GRIK3: variants seen among roughly 807,000 people sequenced by gnomAD.
GRIK3 encodes the protein glutamate receptor ionotropic, kainate 3.
A neutral mutation model predicts 102.5 loss-of-function variants in GRIK3; 29 were observed. That is an observed-to-expected ratio of 0.28 (90% CI 0.21 to 0.39). The LOEUF (loss-of-function observed/expected upper bound fraction) is 0.39. Among genes scored for constraint, GRIK3 ranks in the 10% least tolerant of loss-of-function variants. GRIK3 has a pLI of 1.00. For missense variants in GRIK3, 908 were observed against 1,252.4 expected (o/e 0.73, Z 4.15); for synonymous variants, 511 against 504.9 (o/e 1.01, Z -0.16).
chr1:36,887,773 TATATATATATATATATAGTG>T (rs1247190324), intron 2 of GRIK3, among the ~76,000 whole-genome samples: 1 of 93,290 alleles, frequency 1.1e-5, no homozygotes, highest in Non-Finnish European at 2.1e-5. Context: ...AAAAAAAAAA[TATATATATATATATATAGTG>T]AGAGAGAGAG....
chr1:36,896,836 C>T lies in GRIK3; in HGVS notation c.116-5740G>A, dbSNP rs115222687. ...AAATGAAAAATTTATTCCTGGAATG[C>T]AAGGATGGTTCAAAACAACTGATCA... On this transcript the variant is annotated intron_variant, in intron 1 of 15. Coordinates refer to ENST00000373091, the MANE Select transcript of GRIK3 (RefSeq NM_000831.4). Among the ~76,000 whole-genome samples the T allele has an allele frequency of 9.5e-3, 1,450 of 152,076 alleles. 21 individuals carry two copies. Among genetic ancestry groups the T allele is most frequent in the African/African-American group, 0.032 (1,316 of 41,486 alleles).
intron 1 of GRIK3, among the ~76,000 whole-genome samples, chr1:36,992,958 C>T (rs1642378801): frequency 6.6e-6 from 1 of 152,138 alleles, no homozygotes. Context: ...CAGTGCTGGA[C>T]ATGGGGACTC....
chr1:36,836,121 C>T (rs1449928751), intron 10 of GRIK3, among the ~76,000 whole-genome samples: 1 of 152,172 alleles, frequency 6.6e-6, no homozygotes, highest in East Asian at 1.9e-4. Flanking sequence ...ATTGTGCTGG[C>T]CCAGCCCAAA....
At chr1:36,816,874 C>T (rs1403188762) in intron 13 of GRIK3, among the ~76,000 whole-genome samples, 186 bp downstream of exon 13, 1 of 152,212 alleles carries the variant, frequency 6.6e-6, no homozygotes, top group Non-Finnish European at 1.5e-5. Context: ...GAGGCCAACC[C>T]AGTTGGCCCA....
At chr1:36,939,314 C>G (rs1286622829) in intron 1 of GRIK3, among the ~76,000 whole-genome samples, 32 of 152,238 alleles carry the variant, frequency 2.1e-4, no homozygotes, top group Admixed American at 2.1e-3. Flanking sequence ...GAGGAAGAAA[C>G]TCTCTCAAAC....
chr1:36,910,913 C>A (rs144116234), intron 1 of GRIK3, among the ~76,000 whole-genome samples: 1 of 152,172 alleles, frequency 6.6e-6, no homozygotes, highest in South Asian at 2.1e-4. Flanking sequence ...TAACTCAAAA[C>A]GCTGTCAAGG....
intron 1 of GRIK3, among the ~76,000 whole-genome samples, chr1:36,897,593 A>G (rs770484024): frequency 6.6e-6 from 1 of 152,216 alleles, no homozygotes; most frequent in Non-Finnish European, 1.5e-5. Flanking sequence ...CTAGTGAGGC[A>G]TCATCTGACC....
intron 1 of GRIK3, among the ~76,000 whole-genome samples, chr1:36,953,451 G>A (rs1260192302): frequency 6.6e-6 from 1 of 152,174 alleles, no homozygotes; most frequent in African/African-American, 2.4e-5. Flanking sequence ...ATGGCTTTAA[G>A]CAGGAGAGTG....
chr1:36,952,887 C>A (rs1244414588), intron 1 of GRIK3, among the ~76,000 whole-genome samples: 3 of 152,130 alleles, frequency 2.0e-5, no homozygotes, highest in Non-Finnish European at 4.4e-5. Context: ...AGGGAACGAG[C>A]TATGTGCCTG....
rs77062745 is a variant in GRIK3 at position 36,982,142 on chromosome 1, T to A, written c.115+51852A>T. Among the ~76,000 whole-genome samples the A allele has an allele frequency of 3.1e-3, 468 of 152,200 alleles. 1 individual carries two copies. Among genetic ancestry groups the A allele is most frequent in the Middle Eastern group, 6.8e-3 (2 of 294 alleles). On this transcript the variant is annotated intron_variant, in intron 1 of 15. Transcript: ENST00000373091. ...AGGTTAGGACATCCCACGCGGCATG[T>A]CTCCAATAAACTCTCAGGAATGTGC... is the stretch of plus-strand genomic sequence containing the variant.
In GRIK3 at chr1:37,010,897, G is replaced by A. The variant is rs576774830; in HGVS notation, c.115+23097C>T. On this transcript the variant is annotated intron_variant, in intron 1 of 15. Transcript: ENST00000373091. The stretch of plus-strand genomic sequence containing the variant: ...GCTGGGACTACAGGCGCCCACCACC[G>A]CGCCCGGCTAATTTTTTGTATTTTT... Among the ~76,000 whole-genome samples, 16 of 151,844 alleles carry A rather than the reference G, an allele frequency of 1.1e-4. 1 individual carries two copies. The South Asian group carries it at 1.9e-3, about 18-fold the overall frequency.
At chr1:36,976,165 G>A (rs535636512) in intron 1 of GRIK3, among the ~76,000 whole-genome samples, 1 of 152,194 alleles carries the variant, frequency 6.6e-6, no homozygotes, top group Non-Finnish European at 1.5e-5. Context: ...AGAGGAAGCT[G>A]GATGTGCGAT....
chr1:36,818,320 C>T (rs1642653560), intron 12 of GRIK3, among the ~76,000 whole-genome samples: 1 of 152,022 alleles, frequency 6.6e-6, no homozygotes, highest in Non-Finnish European at 1.5e-5. Flanking sequence ...AGACGATGGA[C>T]AAAAAAACAA....
intron 13 of GRIK3, 53 bp downstream of exon 13, chr1:36,817,007 G>T (rs921012750): frequency 1.6e-6 from 2 of 1,263,668 alleles, no homozygotes; most frequent in Non-Finnish European, 2.3e-6. Flanking sequence ...GCTCAGTAAA[G>T]GGTCCGGAGA....
chr1:36,978,985 A>G (rs1642221842), intron 1 of GRIK3, among the ~76,000 whole-genome samples: 1 of 152,266 alleles, frequency 6.6e-6, no homozygotes, highest in Non-Finnish European at 1.5e-5. Flanking sequence ...TCAATCTGCT[A>G]TTGGAGAACT....
chr1:36,818,672 C>T (rs1642657638), intron 12 of GRIK3, among the ~76,000 whole-genome samples: 1 of 152,236 alleles, frequency 6.6e-6, no homozygotes, highest in Non-Finnish European at 1.5e-5. Flanking sequence ...CAGAGCCTGG[C>T]ATGTAGTGGG....
Position 36,806,051 on chromosome 1 carries a change from A to G in GRIK3, c.2314+53T>C. The G allele has an allele frequency of 8.1e-7, 1 of 1,234,492 alleles. No homozygotes were observed. Among genetic ancestry groups the G allele is most frequent in the Non-Finnish European group, 1.2e-6 (1 of 849,756 alleles). 76.5% of individuals were successfully genotyped at this position (1,234,492 alleles called of 1,614,324 possible). On this transcript the variant is annotated intron_variant, in intron 14 of 15. Coordinates refer to ENST00000373091, the MANE Select transcript of GRIK3 (RefSeq NM_000831.4). This position sits in a 1 kb window ranked among gnomAD's most constrained non-coding sequence, Gnocchi z 4.0. ...GGAGTGTGAGGGGACGCGGGGGTGG[A>G]GCCCTCCCTCTGCCCACACACCCAC...
At chr1:36,971,954 G>A (rs746155635) in intron 1 of GRIK3, among the ~76,000 whole-genome samples, 2 of 152,130 alleles carry the variant, frequency 1.3e-5, no homozygotes, top group South Asian at 2.1e-4. Flanking sequence ...GTGCTTCTGC[G>A]GCAGAACCAC....
At chr1:37,011,983 T>C (rs950547420) in intron 1 of GRIK3, among the ~76,000 whole-genome samples, 3 of 152,216 alleles carry the variant, frequency 2.0e-5, no homozygotes, top group African/African-American at 7.2e-5. Flanking sequence ...CCCCATGCCT[T>C]GGGCCAGAAT....
Sources: allele counts gnomAD v4.1 joint callset (sites outside exome capture counted in the v4.1 genomes callset), GRCh38; gene constraint gnomAD v4.1.1; non-coding constraint Gnocchi (gnomAD v3.1); transcripts MANE v1.5; gene names NCBI Gene and HGNC (gene_info 2026-07-23, HGNC 2026-07-21).